Variants in DOCK9 observed in about 807,000 individuals in gnomAD.
DOCK9 encodes dedicator of cytokinesis 9.
In DOCK9, 89 loss-of-function variants were observed where a neutral mutation model predicts 263.3. The observed-to-expected ratio is 0.34, with a 90% CI of 0.28 to 0.40. The LOEUF is 0.40. DOCK9 is among the 10% of genes least tolerant of loss of function. The pLI is 1.00. For missense variants in DOCK9, 2,140 were observed against 2,603.4 expected (o/e 0.82, Z 3.87); for synonymous variants, 976 against 973.1 (o/e 1.00, Z -0.06).
At position 99,078,645 on chromosome 13, in the gene DOCK9, G is replaced by C. The variant is rs548997283; in HGVS notation, c.129+7578C>G. Among the ~76,000 whole-genome samples the C allele has an allele frequency of 2.0e-5, 3 of 152,096 alleles. No individual in the cohort carries two copies. In the South Asian group the frequency reaches 6.2e-4, roughly 32 times the overall value. On this transcript the variant is annotated intron_variant, in intron 1 of 32. Transcript: ENST00000427887. ...GCAGAGCCTGTGACAGATAGCCTCCGGCATCTCAGAAACTCCCAGCCCTCC... is the reference window on the plus strand; with the variant it reads ...GCAGAGCCTGTGACAGATAGCCTCCCGCATCTCAGAAACTCCCAGCCCTCC...
Position 98,898,274 on chromosome 13 carries a change from A to G in DOCK9, c.1504-13T>C. ...CCTTCTGGGCCACCTTGAAGACATG[A>G]GAATAAAGCTATGAGATACTGCATC... On this transcript the variant is annotated splice_polypyrimidine_tract_variant and intron_variant, in intron 13 of 52. Transcript: ENST00000682017. 1.2e-6 allele frequency: 2 copies of G among 1,604,280 alleles called. No individual in the cohort carries two copies. The highest frequency in any genetic ancestry group is 1.7e-6 in the Non-Finnish European group (2 of 1,173,606).
rs189286820 is a variant in DOCK9 at position 98,873,933 on chromosome 13, A to G, written c.2944-5556T>C. ...GCCTCTCTCAAAAGCTCCTTCTTCTATGATCTCACGCTCAATATCTAGGTG... is the reference window on the plus strand; with the variant it reads ...GCCTCTCTCAAAAGCTCCTTCTTCTGTGATCTCACGCTCAATATCTAGGTG... On this transcript the variant is annotated intron_variant, in intron 27 of 52. Transcript: ENST00000682017. Among the ~76,000 whole-genome samples, 7 of 152,294 alleles carry G rather than the reference A, an allele frequency of 4.6e-5. No homozygotes were observed. In the East Asian group the frequency reaches 1.4e-3, roughly 29 times the overall value.
intron 37 of DOCK9, among the ~76,000 whole-genome samples, 159 bp downstream of exon 37, chr13:98,848,433 C>G (rs189623212): frequency 5.8e-4 from 89 of 152,308 alleles, no homozygotes; most frequent in African/African-American, 2.1e-3. Flanking sequence ...ACCAAAGACA[C>G]TGCCAGGCTC....
intron 15 of DOCK9, among the ~76,000 whole-genome samples, chr13:98,892,936 T>A (rs1199852707): frequency 6.6e-6 from 1 of 152,192 alleles, no homozygotes; most frequent in East Asian, 1.9e-4. Context: ...AGAAGCCAAG[T>A]AACCGCCTCC....
intron 26 of DOCK9, among the ~76,000 whole-genome samples, chr13:98,880,298 G>A (rs2044536043): frequency 6.6e-6 from 1 of 151,976 alleles, no homozygotes; most frequent in Non-Finnish European, 1.5e-5. Context: ...GAATCTCTAA[G>A]TCATAGACCT....
At chr13:98,861,251 G>A (rs1012042829) in intron 32 of DOCK9, among the ~76,000 whole-genome samples, 1 of 152,196 alleles carries the variant, frequency 6.6e-6, no homozygotes, top group Non-Finnish European at 1.5e-5. Context: ...ACACGGCTCA[G>A]CTCAGTGTAA....
At chr13:99,063,470 C>T (rs1011605246) in intron 1 of DOCK9, among the ~76,000 whole-genome samples, 1 of 152,244 alleles carries the variant, frequency 6.6e-6, no homozygotes, top group African/African-American at 2.4e-5. Flanking sequence ...AGTCACCGGA[C>T]ACCATGTCAT....
At chr13:98,846,300 C>CT (rs1296806161) in intron 37 of DOCK9, among the ~76,000 whole-genome samples, 6 of 152,250 alleles carry the variant, frequency 3.9e-5, no homozygotes, top group African/African-American at 1.4e-4. Context: ...TTAGAAAGTA[C>CT]TTTAGAGATG....
intron 4 of DOCK9, among the ~76,000 whole-genome samples, chr13:98,925,556 G>C (rs2052798000): frequency 6.6e-6 from 1 of 151,988 alleles, no homozygotes; most frequent in South Asian, 2.1e-4. Context: ...TTTATATTTT[G>C]TAGTGAAAAA....
Position 98,846,011 on chromosome 13 carries a change from A to C in DOCK9, c.4111T>G (p.Leu1371Val). The change falls in exon 38 of 53, where the codon TTG (leucine) becomes GTG (valine). Residue 1371 changes from leucine (L) to valine (V), a missense_variant. Around this residue, in one of 2 missense-constraint regions of DOCK9, gnomAD observed 1,521 missense variants for 1,741.7 expected, o/e 0.87. Transcript: ENST00000682017. ...CCTGTTCTGTTACGGGAAACAGGCA[A>C]TGTCTGAGACTTTCGATCATGAACT... ...PIVHDRKSQT[L>V]PVSRNRTGMM... 2 of 1,607,748 alleles carry C rather than the reference A, an allele frequency of 1.2e-6. No individual in the cohort carries two copies. Among genetic ancestry groups the C allele is most frequent in the African/African-American group, 1.3e-5 (1 of 75,016 alleles).
intron 38 of DOCK9, among the ~76,000 whole-genome samples, chr13:98,838,690 G>C (rs1265078776): frequency 6.6e-6 from 1 of 152,128 alleles, no homozygotes; most frequent in African/African-American, 2.4e-5. Flanking sequence ...ATACATATAG[G>C]GATGCAAAGA....
intron 3 of DOCK9, among the ~76,000 whole-genome samples, chr13:98,929,213 G>T (rs1566994320): frequency 6.6e-6 from 1 of 152,144 alleles, no homozygotes; most frequent in Non-Finnish European, 1.5e-5. Context: ...AACACTCCAA[G>T]GGGAAAAACT....
chr13:98,826,983 A>G, intron 43 of DOCK9, 96 bp from the exon 44 acceptor site: 1 of 863,028 alleles, frequency 1.2e-6, no homozygotes, highest in Non-Finnish European at 1.8e-6. Flanking sequence ...ATGAACGTAT[A>G]TATTAGATCT....
intron 8 of DOCK9, 66 bp downstream of exon 8, chr13:98,915,263 C>A (rs2050701939): frequency 6.6e-7 from 1 of 1,522,490 alleles, no homozygotes; most frequent in African/African-American, 1.4e-5. Context: ...CTTCTTATAC[C>A]CACCTGGCAA....
rs368239250 is a variant in DOCK9, at chr13:98,845,505, C to A, written c.4198+419G>T. ...CAGAGCTGGAATGTCAGAATGTGGA[C>A]GCTTGATCAATTACATGCACAGGAT... is the stretch of plus-strand genomic sequence containing the variant. On this transcript the variant is annotated intron_variant, in intron 38 of 52. Coordinates refer to ENST00000682017, the MANE Select transcript of DOCK9 (RefSeq NM_001366683.2). 402 of 488,390 alleles carry A rather than the reference C, an allele frequency of 8.2e-4. 10 individuals carry two copies. The South Asian group carries it at 8.3e-3, about 10-fold the overall frequency. 30.3% of individuals were successfully genotyped at this position (488,390 alleles called of 1,614,324 possible).
chr13:99,025,091 G>A (rs994056630), intron 1 of DOCK9: 4 of 152,220 alleles, frequency 2.6e-5, no homozygotes, highest in African/African-American at 9.7e-5. Context: ...TTTTAAAAGA[G>A]TGTTACTTCA....
chr13:98,905,484 A>T (rs893403036), intron 9 of DOCK9, among the ~76,000 whole-genome samples: 10 of 152,196 alleles, frequency 6.6e-5, no homozygotes, highest in Non-Finnish European at 1.0e-4. Flanking sequence ...CTTGGCCAGG[A>T]AAGGAGAAAA....
rs143246604 is a variant in DOCK9, at chr13:99,058,859, C to T, written c.129+27364G>A. ...GCAGCACCCATGGCCCTTACCAAAG[C>T]CATCACTTCACTGGTGAATCCAGTG... On this transcript the variant is annotated intron_variant, in intron 1 of 32. Coordinates refer to the DOCK9 transcript ENST00000427887. Among the ~76,000 whole-genome samples, 418 of 152,268 alleles carry T rather than the reference C, an allele frequency of 2.7e-3. 2 individuals are homozygous for T. The highest frequency in any genetic ancestry group is 9.2e-3 in the African/African-American group (383 of 41,546).
intron 4 of DOCK9, among the ~76,000 whole-genome samples, chr13:98,925,097 G>A (rs111631035): frequency 0.022 from 3,277 of 152,166 alleles, 64 homozygotes; most frequent in Non-Finnish European, 0.032. Context: ...TTGGGAGGTG[G>A]AGGTTGCAGT....
Sources: gnomAD v4.1 joint callset for allele counts (sites outside exome capture counted in the v4.1 genomes callset) on GRCh38, gnomAD v4.1.1 for gene constraint, gnomAD v4.1.1 regional missense constraint, MANE v1.5 for transcripts, NCBI Gene and HGNC (gene_info 2026-07-23, HGNC 2026-07-21) for gene names.